The following NDUFS4 variants were observed in gnomAD, a reference collection of about 807,000 sequenced individuals.
The protein encoded by NDUFS4 is NADH:ubiquinone oxidoreductase subunit S4.
Under a neutral mutation model 24.3 loss-of-function variants are expected in NDUFS4, and 28 were observed. The observed-to-expected ratio is 1.15, with a 90% CI of 0.85 to 1.58. The LOEUF (loss-of-function observed/expected upper bound fraction) is 1.58. Among genes scored for constraint, NDUFS4 ranks in the 40% most tolerant of loss-of-function variants. NDUFS4 has a pLI of 0.00. For synonymous variants in NDUFS4, 93 were observed against 69.7 expected (o/e 1.34, Z -1.67); for missense variants, 223 against 207.9 (o/e 1.07, Z -0.45).
chr5:53,625,354 A>G (rs539517549), intron 2 of NDUFS4, among the ~76,000 whole-genome samples: 39 of 152,164 alleles, frequency 2.6e-4, no homozygotes, highest in African/African-American at 9.4e-4. Context: ...GGTTTTCTTT[A>G]CATGTATCTT....
intron 3 of NDUFS4, among the ~76,000 whole-genome samples, chr5:53,650,301 A>AT (rs1751980654): frequency 6.6e-6 from 1 of 152,240 alleles, no homozygotes; most frequent in Non-Finnish European, 1.5e-5. Context: ...TCTTCCTCAC[A>AT]TCTATTGCAA....
chr5:53,608,577 G>T (rs1244004516), intron 2 of NDUFS4, among the ~76,000 whole-genome samples: 5 of 151,916 alleles, frequency 3.3e-5, no homozygotes, highest in Non-Finnish European at 7.4e-5. Context: ...TCTTTATCAG[G>T]AGTAGATTCT....
chr5:53,604,790 C>CT, intron 2 of NDUFS4: 1 of 456,268 alleles, frequency 2.2e-6, no homozygotes, highest in Non-Finnish European at 4.4e-6. Context: ...ACTTGCTACT[C>CT]TTTTTCCTGC....
chr5:53,573,563 A>T, intron 1 of NDUFS4: 1 of 451,348 alleles, frequency 2.2e-6, no homozygotes, highest in Non-Finnish European at 4.4e-6. Context: ...TGTGGTAAAG[A>T]GCATTGCTTT....
At chr5:53,636,967 T>C (rs181389148) in intron 2 of NDUFS4, among the ~76,000 whole-genome samples, 135 of 152,318 alleles carry the variant, frequency 8.9e-4, no homozygotes, top group Non-Finnish European at 1.6e-3. Flanking sequence ...TAAACCTCTT[T>C]TCTTTATAAA....
intron 4 of NDUFS4, among the ~76,000 whole-genome samples, chr5:53,665,481 G>A (rs1037248438): frequency 2.0e-4 from 31 of 152,294 alleles, no homozygotes; most frequent in Non-Finnish European, 3.1e-4. Context: ...CACCCAGTTC[G>A]AGCTTCCTGG....
intron 2 of NDUFS4, among the ~76,000 whole-genome samples, chr5:53,633,681 G>C (rs113853114): frequency 0.033 from 5,038 of 152,118 alleles, 297 homozygotes; most frequent in African/African-American, 0.12. Context: ...TCCGTCTTTT[G>C]TTTTGGGACC....
chr5:53,588,784 A>C (rs524289), intron 1 of NDUFS4, among the ~76,000 whole-genome samples: 1 of 152,084 alleles, frequency 6.6e-6, no homozygotes, highest in Admixed American at 6.5e-5. Flanking sequence ...CCAAACAATG[A>C]AATATCATGT....
At chr5:53,663,214 G>C (rs1172942335) in intron 4 of NDUFS4, among the ~76,000 whole-genome samples, 1 of 152,124 alleles carries the variant, frequency 6.6e-6, no homozygotes, top group East Asian at 1.9e-4. Flanking sequence ...TATAATTTCT[G>C]TTCTTTTACA....
rs1345366880 is a variant in NDUFS4 at position 53,681,435 on chromosome 5, T to TACAAG, written c.425-1679_425-1675dup. 9.2e-5 allele frequency among the ~76,000 whole-genome samples: 14 copies of TACAAG among 152,284 alleles called. No homozygotes were observed. The East Asian group carries it at 2.5e-3, about 27-fold the overall frequency. ...CATGAATTATCACATCCTTATGAAG[T>TACAAG]ACAAGACATGTACTTTAATCCTCAT... is the stretch of plus-strand genomic sequence containing the variant. On this transcript the variant is annotated intron_variant, in intron 4 of 4. Transcript: ENST00000296684.
At chr5:53,636,802 G>A (rs547103861) in intron 2 of NDUFS4, among the ~76,000 whole-genome samples, 170 of 152,226 alleles carry the variant, frequency 1.1e-3, no homozygotes, top group Non-Finnish European at 7.4e-4. Flanking sequence ...GAGTTATCAT[G>A]AGATCTGGTT....
rs967545257 is a variant in NDUFS4, at chr5:53,601,095, C to T, written c.99-2357C>T. On this transcript the variant is annotated intron_variant, in intron 1 of 4. Coordinates refer to ENST00000296684, the MANE Select transcript of NDUFS4 (RefSeq NM_002495.4). ...TCTCAGCTCACTGCAAGCTCCGCCTCCCAGGTTCACGCCATTCTCCTGCCT... is the reference window on the plus strand; with the variant it reads ...TCTCAGCTCACTGCAAGCTCCGCCTTCCAGGTTCACGCCATTCTCCTGCCT... Among the ~76,000 whole-genome samples the T allele has an allele frequency of 2.6e-5, 4 of 151,550 alleles. No homozygotes were observed. In the South Asian group the frequency reaches 8.3e-4, roughly 32 times the overall value.
chr5:53,621,210 G>T lies in NDUFS4; in HGVS notation c.177+17680G>T, dbSNP rs560183957. On this transcript the variant is annotated intron_variant, in intron 2 of 4. Transcript: ENST00000296684. ...ATGTGATGTCCCTCTTTATCCTGGT[G>T]CTGTTTCTTTTTCTGAAGTCGAATT... is the stretch of plus-strand genomic sequence containing the variant. 2.0e-5 allele frequency among the ~76,000 whole-genome samples: 3 copies of T among 152,196 alleles called. No individual in the cohort carries two copies. In the East Asian group the frequency reaches 5.8e-4, roughly 29 times the overall value.
At chr5:53,582,230 T>TAAAA (rs1554054130) in intron 1 of NDUFS4, among the ~76,000 whole-genome samples, 1 of 143,276 alleles carries the variant, frequency 7.0e-6, no homozygotes, top group Admixed American at 7.3e-5. Flanking sequence ...TAAAATAAAA[T>TAAAA]AAAATAAAAT....
intron 1 of NDUFS4, among the ~76,000 whole-genome samples, chr5:53,565,266 A>G (rs1018883856): frequency 4.6e-5 from 7 of 152,390 alleles, no homozygotes; most frequent in Admixed American, 1.3e-4. Context: ...AGTGAAAAAT[A>G]AACCTTTGCT....
At chr5:53,572,649 G>GTTT (rs757713153) in intron 1 of NDUFS4, among the ~76,000 whole-genome samples, 1 of 143,522 alleles carries the variant, frequency 7.0e-6, no homozygotes, top group Admixed American at 7.0e-5. Flanking sequence ...TCTTCTTGAA[G>GTTT]TTTTTTTTTT....
chr5:53,678,308 G>A (rs1740540609), intron 4 of NDUFS4, among the ~76,000 whole-genome samples: 1 of 152,138 alleles, frequency 6.6e-6, no homozygotes, highest in African/African-American at 2.4e-5. Flanking sequence ...AGACTATTTT[G>A]TGAAAGCGTT....
chr5:53,573,531 A>G, intron 1 of NDUFS4: 2 of 446,860 alleles, frequency 4.5e-6, no homozygotes, highest in South Asian at 3.2e-5. Context: ...ATTTATGCCT[A>G]ACTATCTCAA....
chr5:53,593,646 TTTAG>T (rs1206155298), intron 1 of NDUFS4, among the ~76,000 whole-genome samples: 1 of 151,784 alleles, frequency 6.6e-6, no homozygotes, highest in Admixed American at 6.6e-5. Context: ...GATTATTGAA[TTTAG>T]TTAGACCTTT....
Sources: gnomAD v4.1 joint callset for allele counts (sites outside exome capture counted in the v4.1 genomes callset) on GRCh38, gnomAD v4.1.1 for gene constraint, MANE v1.5 for transcripts, NCBI Gene and HGNC (gene_info 2026-07-23, HGNC 2026-07-21) for gene names.